TUSC3: variants seen among roughly 807,000 people sequenced by gnomAD.
TUSC3 encodes the protein tumor suppressor candidate 3.
TUSC3 carries 45 observed loss-of-function variants against 44.8 expected under a neutral mutation model. The observed-to-expected ratio is 1.00, with a 90% CI of 0.79 to 1.29. TUSC3 has a LOEUF of 1.29. Ranked by LOEUF, TUSC3 falls within the 50% of genes most tolerant of loss-of-function variation. TUSC3 has a pLI of 0.00. For missense variants in TUSC3, 519 were observed against 437.9 expected, an observed-to-expected ratio of 1.19 and a Z score of -1.65; for synonymous variants, 212 against 152.9, an observed-to-expected ratio of 1.39 and a Z score of -2.85.
intron 2 of TUSC3, among the ~76,000 whole-genome samples, chr8:15,502,773 G>A (rs879372911): frequency 1.3e-5 from 2 of 152,214 alleles, no homozygotes; most frequent in Non-Finnish European, 2.9e-5. Flanking sequence ...TTACAGGCAT[G>A]AGCTACCACA....
intron 2 of TUSC3, among the ~76,000 whole-genome samples, chr8:15,491,301 G>C (rs935907691): frequency 6.6e-6 from 1 of 152,084 alleles, no homozygotes. Context: ...AAAGATCTTG[G>C]GGCCCACAAG....
At chr8:15,760,765 A>G (rs557609332) in intron 10 of TUSC3, among the ~76,000 whole-genome samples, 29 of 152,284 alleles carry the variant, frequency 1.9e-4, no homozygotes, top group Non-Finnish European at 2.2e-4. Context: ...AAAATACTTA[A>G]CCTTCTGGCT....
chr8:15,848,661 C>T, the TUSC3 span, among the ~76,000 whole-genome samples: 1 of 152,186 alleles, frequency 6.6e-6, no homozygotes, highest in East Asian at 1.9e-4. Context: ...GTGGTAACCA[C>T]TGTCCAGTGA....
intron 6 of TUSC3, among the ~76,000 whole-genome samples, chr8:15,727,586 CA>C (rs1169028480): frequency 1.3e-5 from 2 of 151,794 alleles, no homozygotes; most frequent in African/African-American, 4.8e-5. Flanking sequence ...AAGACACACA[CA>C]AAAAAAGAAG....
chr8:15,441,783 G>A (rs1367663391), intron 1 of TUSC3, among the ~76,000 whole-genome samples: 2 of 152,244 alleles, frequency 1.3e-5, no homozygotes, highest in Admixed American at 6.5e-5. Context: ...TGTCCTGAGT[G>A]TTCCAGACTG....
chr8:15,427,928 A>G (rs1018747253), intron 1 of TUSC3, among the ~76,000 whole-genome samples: 3 of 151,914 alleles, frequency 2.0e-5, no homozygotes, highest in African/African-American at 4.8e-5. Context: ...ATTTTTGCAT[A>G]CAGTATGAGA....
chr8:15,562,550 G>C (rs1327996234), intron 1 of TUSC3, among the ~76,000 whole-genome samples: 1 of 152,130 alleles, frequency 6.6e-6, no homozygotes, highest in Admixed American at 6.5e-5. Flanking sequence ...GGTGTAGCTG[G>C]ATTCTGTCTC....
At chr8:15,620,542 T>G (rs958576917) in intron 1 of TUSC3, among the ~76,000 whole-genome samples, 3 of 152,190 alleles carry the variant, frequency 2.0e-5, no homozygotes, top group African/African-American at 7.2e-5. Flanking sequence ...TGCCTAATTC[T>G]GAAGGAATAT....
intron 1 of TUSC3, among the ~76,000 whole-genome samples, chr8:15,554,722 C>T (rs62504170): frequency 0.19 from 28,966 of 149,214 alleles, 3,165 homozygotes; most frequent in South Asian, 0.24. Flanking sequence ...CCTGCCTCAG[C>T]CTCCCGAGTA....
the TUSC3 span, among the ~76,000 whole-genome samples, chr8:15,801,741 G>A: frequency 6.6e-6 from 1 of 152,100 alleles, no homozygotes; most frequent in Non-Finnish European, 1.5e-5. Flanking sequence ...GGGCTCAGAG[G>A]GGTTCTAGAG....
intron 1 of TUSC3, among the ~76,000 whole-genome samples, chr8:15,576,266 T>TTC (rs398007136): frequency 1.4e-5 from 2 of 146,236 alleles, no homozygotes; most frequent in African/African-American, 5.0e-5. Flanking sequence ...TTTTTTTTTT[T>TTC]CTTGGTCCTC....
the TUSC3 span, among the ~76,000 whole-genome samples, chr8:15,841,698 G>A: frequency 1.1e-4 from 16 of 152,252 alleles, no homozygotes; most frequent in East Asian, 2.1e-3. Flanking sequence ...ATTTTTAGTA[G>A]AGACGGGGTT....
intron 6 of TUSC3, among the ~76,000 whole-genome samples, chr8:15,716,335 A>G (rs1469370407): frequency 6.6e-6 from 1 of 152,180 alleles, no homozygotes; most frequent in African/African-American, 2.4e-5. Context: ...GATTAAGGAC[A>G]AATCTGAGGG....
At chr8:15,800,459 G>C in the TUSC3 span, among the ~76,000 whole-genome samples, 1 of 151,978 alleles carries the variant, frequency 6.6e-6, no homozygotes, top group Non-Finnish European at 1.5e-5. Flanking sequence ...TATAGTCTCA[G>C]CTACTTGGGG....
At chr8:15,772,723 T>C in the TUSC3 span, among the ~76,000 whole-genome samples, 1 of 152,192 alleles carries the variant, frequency 6.6e-6, no homozygotes, top group Non-Finnish European at 1.5e-5. Flanking sequence ...TAATTAATTA[T>C]CTCTTATGAC....
the TUSC3 span, among the ~76,000 whole-genome samples, chr8:15,840,508 CA>C: frequency 2.0e-5 from 3 of 151,784 alleles, no homozygotes; most frequent in Non-Finnish European, 4.4e-5. Flanking sequence ...CTAGAAAGTT[CA>C]AAGATGAAAT....
At chr8:15,616,102 A>T (rs1804974537) in intron 1 of TUSC3, among the ~76,000 whole-genome samples, 1 of 152,202 alleles carries the variant, frequency 6.6e-6, no homozygotes, top group Non-Finnish European at 1.5e-5. Flanking sequence ...GGTATAATAA[A>T]AGTAGATAAT....
intron 7 of TUSC3, among the ~76,000 whole-genome samples, chr8:15,734,138 T>G (rs1810837352): frequency 6.6e-6 from 1 of 152,252 alleles, no homozygotes; most frequent in South Asian, 2.1e-4. Flanking sequence ...TTGTAATTTG[T>G]GTATTTTGTT....
rs139209886 is a variant in TUSC3, at chr8:15,673,295, G to C, written c.709-452G>C. Among the ~76,000 whole-genome samples, 214 of 152,152 alleles carry C rather than the reference G, an allele frequency of 1.4e-3. 1 individual carries two copies. Among genetic ancestry groups the C allele is most frequent in the African/African-American group, 5.0e-3 (209 of 41,516 alleles). ...CTGAAAGTATTTAGGTACTTACGGA[G>C]ATTTAAGTACCGTAATCCAAGAATG... On this transcript the variant is annotated intron_variant, in intron 5 of 10. Transcript: ENST00000503731.
Sources: gnomAD v4.1 joint callset for allele counts (sites outside exome capture counted in the v4.1 genomes callset) on GRCh38, gnomAD v4.1.1 for gene constraint, MANE v1.5 for transcripts, NCBI Gene and HGNC (gene_info 2026-07-23, HGNC 2026-07-21) for gene names.